Variants in ASIC2 observed in about 807,000 individuals in gnomAD.
ASIC2 encodes acid-sensing ion channel 2.
A neutral mutation model predicts 57.3 loss-of-function variants in ASIC2; 25 were observed. That is an observed-to-expected ratio of 0.44 (90% CI 0.32 to 0.61). The LOEUF is 0.61. Among genes scored for constraint, ASIC2 ranks in the 20% least tolerant of loss-of-function variants. ASIC2 has a pLI of 0.06. For missense variants in ASIC2, 641 were observed against 738.1 expected, an observed-to-expected ratio of 0.87 and a Z score of 1.52; for synonymous variants, 319 against 307.5, an observed-to-expected ratio of 1.04 and a Z score of -0.39.
At chr17:33,488,674 G>T (rs1913654545) in intron 1 of ASIC2, among the ~76,000 whole-genome samples, 1 of 152,054 alleles carries the variant, frequency 6.6e-6, no homozygotes. Context: ...CTCCTGTAAA[G>T]AATTCTTTTA....
intron 1 of ASIC2, among the ~76,000 whole-genome samples, chr17:33,214,296 C>T (rs1907391363): frequency 6.6e-6 from 1 of 152,082 alleles, no homozygotes; most frequent in Admixed American, 6.5e-5. Context: ...GTCTCCTCCC[C>T]AAGATGCTCC....
At chr17:33,111,734 G>C in intron 2 of ASIC2, 183 bp downstream of exon 2, 1 of 734,190 alleles carries the variant, frequency 1.4e-6, no homozygotes, top group Non-Finnish European at 2.0e-6. Context: ...ATAGTAAAAG[G>C]TGAGGAAACC....
At chr17:33,965,259 T>C (rs1905042372) in intron 1 of ASIC2, among the ~76,000 whole-genome samples, 1 of 152,222 alleles carries the variant, frequency 6.6e-6, no homozygotes, top group South Asian at 2.1e-4. Flanking sequence ...AAACAGCTGG[T>C]AAATGGCAGA....
chr17:34,115,717 C>T (rs910092015), intron 1 of ASIC2, among the ~76,000 whole-genome samples: 5 of 152,184 alleles, frequency 3.3e-5, no homozygotes, highest in Non-Finnish European at 5.9e-5. Flanking sequence ...TCCTATCCCA[C>T]TTCCCTCTTC....
chr17:33,700,691 G>A (rs187159069), intron 1 of ASIC2, among the ~76,000 whole-genome samples: 2 of 152,256 alleles, frequency 1.3e-5, no homozygotes, highest in Non-Finnish European at 2.9e-5. Context: ...TTAGTGTTAG[G>A]GTTCTGTTTT....
At chr17:33,901,785 T>A (rs9894111) in intron 1 of ASIC2, among the ~76,000 whole-genome samples, 1 of 152,192 alleles carries the variant, frequency 6.6e-6, no homozygotes, top group Non-Finnish European at 1.5e-5. Context: ...TCCAGGACTT[T>A]CCAAAATTGT....
At chr17:33,735,598 G>T (rs1909887675) in intron 1 of ASIC2, among the ~76,000 whole-genome samples, 1 of 152,142 alleles carries the variant, frequency 6.6e-6, no homozygotes, top group Non-Finnish European at 1.5e-5. Context: ...TCTTAATCAG[G>T]CAAAGACCCA....
chr17:33,332,571 T>C lies in ASIC2; in HGVS notation c.556-220504A>G, dbSNP rs572843712. Among the ~76,000 whole-genome samples the C allele has an allele frequency of 8.5e-5, 13 of 152,236 alleles. No homozygotes were observed. In the South Asian group the frequency reaches 2.7e-3, roughly 32 times the overall value. On this transcript the variant is annotated intron_variant, in intron 1 of 9. Transcript: ENST00000359872. The stretch of plus-strand genomic sequence containing the variant: ...GACAAGGCTGCTTTAGATGACTATC[T>C]CTGGCTTTTGTTTCCTCTTCTAAAG...
chr17:33,810,870 C>CACAT (rs1555563388), intron 1 of ASIC2, among the ~76,000 whole-genome samples: 2 of 77,970 alleles, frequency 2.6e-5, no homozygotes, highest in African/African-American at 1.3e-4. Context: ...TATGCACACA[C>CACAT]ACATACACAC....
At chr17:33,575,815 A>G (rs765840881) in intron 1 of ASIC2, among the ~76,000 whole-genome samples, 2 of 152,156 alleles carry the variant, frequency 1.3e-5, no homozygotes. Context: ...GCCCCCCTTC[A>G]AAAGAGGGAG....
chr17:34,046,230 C>T lies in ASIC2; in HGVS notation c.555+109748G>A, dbSNP rs150411265. ...GAGCCCTAACCAATTTACCAATTTG[C>T]GAGCAAATAAATAGTTGTTATGTTG... On this transcript the variant is annotated intron_variant, in intron 1 of 9. Transcript: ENST00000359872. 1.8e-4 allele frequency among the ~76,000 whole-genome samples: 28 copies of T among 152,246 alleles called. No individual in the cohort carries two copies. In the East Asian group the frequency reaches 5.0e-3, roughly 27 times the overall value.
At chr17:33,398,049 A>T (rs1246248900) in intron 1 of ASIC2, among the ~76,000 whole-genome samples, 1 of 152,150 alleles carries the variant, frequency 6.6e-6, no homozygotes, top group African/African-American at 2.4e-5. Flanking sequence ...CTACAGGGAG[A>T]TGCCTCTGTC....
At chr17:33,312,551 G>T (rs1906473378) in intron 1 of ASIC2, among the ~76,000 whole-genome samples, 1 of 152,206 alleles carries the variant, frequency 6.6e-6, no homozygotes, top group African/African-American at 2.4e-5. Flanking sequence ...GGCCAGCCAT[G>T]CTATGAGTAA....
Position 33,646,513 on chromosome 17 carries a change from G to A in ASIC2, c.555+509465C>T, listed in dbSNP as rs187130883. Among the ~76,000 whole-genome samples, 658 of 152,266 alleles carry A rather than the reference G, an allele frequency of 4.3e-3. 5 individuals are homozygous for A. The highest frequency in any genetic ancestry group is 0.015 in the African/African-American group (623 of 41,554). ...AGGGGAAGACGAGTGTGCTCTTGGG[G>A]ATCACATCCCTTGGAGGGAGAAGAG... On this transcript the variant is annotated intron_variant, in intron 1 of 9. Transcript: ENST00000359872.
At chr17:33,697,851 A>G (rs867558945) in intron 1 of ASIC2, among the ~76,000 whole-genome samples, 1 of 152,378 alleles carries the variant, frequency 6.6e-6, no homozygotes, top group South Asian at 2.1e-4. Flanking sequence ...ACTGTCAGTG[A>G]CAAGAGACTG....
chr17:33,325,955 G>A (rs1461663284), intron 1 of ASIC2, among the ~76,000 whole-genome samples: 1 of 152,168 alleles, frequency 6.6e-6, no homozygotes, highest in African/African-American at 2.4e-5. Context: ...ACAAGGAAAA[G>A]CTGATAGGTA....
intron 1 of ASIC2, among the ~76,000 whole-genome samples, chr17:33,886,305 C>T (rs1376807190): frequency 1.3e-5 from 2 of 152,064 alleles, no homozygotes; most frequent in Non-Finnish European, 1.5e-5. Flanking sequence ...AGACACACGA[C>T]CCTTTTTGAT....
At chr17:33,937,063 T>G (rs923560429) in intron 1 of ASIC2, among the ~76,000 whole-genome samples, 19 of 152,214 alleles carry the variant, frequency 1.2e-4, no homozygotes, top group Non-Finnish European at 2.5e-4. Context: ...TTTCACCCAC[T>G]ATGCCAGCCT....
intron 1 of ASIC2, among the ~76,000 whole-genome samples, chr17:33,850,882 G>T (rs317405): frequency 6.6e-6 from 1 of 151,434 alleles, no homozygotes; most frequent in Non-Finnish European, 1.5e-5. Context: ...TGCAATCCCA[G>T]CAAAATGACT....
Sources: allele counts gnomAD v4.1 joint callset (sites outside exome capture counted in the v4.1 genomes callset), GRCh38; gene constraint gnomAD v4.1.1; transcripts MANE v1.5; gene names NCBI Gene and HGNC (gene_info 2026-07-23, HGNC 2026-07-21).